The following PHF12 variants were observed in gnomAD, a reference collection of about 807,000 sequenced individuals.
PHF12 encodes the protein PHD factor 1.
In PHF12, 6 loss-of-function variants were observed where a neutral mutation model predicts 99.8. That is an observed-to-expected ratio of 0.06 (90% confidence interval 0.03 to 0.12). The LOEUF (loss-of-function observed/expected upper bound fraction) is 0.12, where lower values mean the gene tolerates loss of function less well. Among genes scored for constraint, PHF12 ranks in the 10% least tolerant of loss-of-function variants. PHF12 has a pLI of 1.00. For synonymous variants in PHF12, 480 were observed against 514.9 expected (o/e 0.93, Z 0.92); for missense variants, 954 against 1,300.1 (o/e 0.73, Z 4.09).
intron 2 of PHF12, among the ~76,000 whole-genome samples, chr17:28,931,011 TGATC>T (rs2040389707): frequency 6.6e-6 from 1 of 152,122 alleles, no homozygotes; most frequent in Non-Finnish European, 1.5e-5. Flanking sequence ...GGTAGAGCCG[TGATC>T]GTGCCACTGC....
At chr17:28,917,534 CTA>C in intron 6 of PHF12, 85 bp from the exon 7 acceptor site, 1 of 1,444,566 alleles carries the variant, frequency 6.9e-7, no homozygotes, top group Non-Finnish European at 9.3e-7. Flanking sequence ...TGTTTAAAAA[CTA>C]GAAGCCCTCA....
intron 2 of PHF12, chr17:28,929,669 C>T (rs2040359516): frequency 6.6e-6 from 1 of 152,156 alleles, no homozygotes; most frequent in South Asian, 2.1e-4. Context: ...TGTCAGATGC[C>T]CACCAAGGCT....
intron 2 of PHF12, among the ~76,000 whole-genome samples, chr17:28,934,854 G>A (rs1368156630): frequency 1.3e-5 from 2 of 152,300 alleles, no homozygotes; most frequent in East Asian, 1.9e-4. Context: ...ACCCGCCTAT[G>A]CCTTCCAAAG....
At chr17:28,914,586 G>A (rs1777592992) in intron 7 of PHF12, among the ~76,000 whole-genome samples, 1 of 147,642 alleles carries the variant, frequency 6.8e-6, no homozygotes, top group Non-Finnish European at 1.5e-5. Context: ...GCAGGAGAAT[G>A]GCATGAACCC....
At chr17:28,948,105 C>T (rs139946117) in intron 2 of PHF12, among the ~76,000 whole-genome samples, 2 of 152,330 alleles carry the variant, frequency 1.3e-5, no homozygotes, top group Non-Finnish European at 2.9e-5. Flanking sequence ...ACACTTTTCC[C>T]ATGCCTGAGG....
intron 6 of PHF12, among the ~76,000 whole-genome samples, chr17:28,918,544 G>A (rs1306388663): frequency 6.6e-6 from 1 of 152,222 alleles, no homozygotes; most frequent in Non-Finnish European, 1.5e-5. Flanking sequence ...TTAAGCAGTA[G>A]CCTTTTTAAT....
intron 12 of PHF12, 29 bp downstream of exon 12, chr17:28,908,754 T>C (rs375194642): frequency 7.3e-5 from 117 of 1,604,276 alleles, no homozygotes; most frequent in Non-Finnish European, 8.9e-5. Flanking sequence ...ACAGATTCAG[T>C]GTCTCTCCCA....
chr17:28,939,935 G>A lies in PHF12; in HGVS notation c.248+10130C>T, dbSNP rs368836144. On this transcript the variant is annotated intron_variant, in intron 2 of 14. Transcript: ENST00000332830. ...TGCTCACTCAAGCTTATTTCAAAACGAGCCTCACGCAGAGAGCCCAGATCA... is the reference window on the plus strand; with the variant it reads ...TGCTCACTCAAGCTTATTTCAAAACAAGCCTCACGCAGAGAGCCCAGATCA... Among the ~76,000 whole-genome samples, 63 of 152,256 alleles carry A rather than the reference G, an allele frequency of 4.1e-4. No homozygotes were observed. In the South Asian group the frequency reaches 9.3e-3, roughly 23 times the overall value.
At chr17:28,909,164 C>T (rs1251060189) in intron 11 of PHF12, 6 of 401,416 alleles carry the variant, frequency 1.5e-5, no homozygotes, top group Non-Finnish European at 2.3e-5. Flanking sequence ...CTGGCTAATC[C>T]GGGATATTCC....
Position 28,923,651 on chromosome 17 carries a change from C to CAAAAAAAAAAAAAAAAAAAAA in PHF12, c.715+257_715+258insTTTTTTTTTTTTTTTTTTTTT, listed in dbSNP as rs1491183033. Among the ~76,000 whole-genome samples the CAAAAAAAAAAAAAAAAAAAAA allele has an allele frequency of 8.1e-3, 178 of 21,946 alleles. 14 individuals are homozygous for CAAAAAAAAAAAAAAAAAAAAA. Among genetic ancestry groups the CAAAAAAAAAAAAAAAAAAAAA allele is most frequent in the Non-Finnish European group, 9.1e-3 (119 of 13,136 alleles). 14.4% of individuals were successfully genotyped at this position (21,946 alleles called of 152,430 possible). On this transcript the variant is annotated intron_variant, in intron 4 of 14. Coordinates refer to ENST00000332830, the MANE Select transcript of PHF12 (RefSeq NM_001033561.2). Reference sequence around the variant, plus strand: ...CTAGCCTGAGTGACAAAGTGAGACTCACAAAAAAAAAAAAAAAAAAAAAAG... The same window carrying CAAAAAAAAAAAAAAAAAAAAA: ...CTAGCCTGAGTGACAAAGTGAGACTCAAAAAAAAAAAAAAAAAAAAAACAAAAAAAAAAAAAAAAAAAAAAG...
At chr17:28,907,372 A>C in intron 13 of PHF12, 1 of 565,418 alleles carries the variant, frequency 1.8e-6, no homozygotes. Context: ...GACTAACCTC[A>C]GGAAAAATGG....
intron 4 of PHF12, 108 bp from the exon 5 acceptor site, chr17:28,921,916 G>T: frequency 6.8e-7 from 1 of 1,460,388 alleles, no homozygotes. Flanking sequence ...ATGTGTCATG[G>T]CCTAAGCATG....
At chr17:28,926,530 G>A (rs1171678468) in intron 3 of PHF12, 1 of 324,592 alleles carries the variant, frequency 3.1e-6, no homozygotes, top group African/African-American at 2.2e-5. Flanking sequence ...CAAAGCTGAA[G>A]GAAGGGAAGC....
chr17:28,908,518 C>T (rs2039908692), intron 12 of PHF12: 1 of 444,032 alleles, frequency 2.3e-6, no homozygotes, highest in Non-Finnish European at 4.1e-6. Flanking sequence ...TAGGGTTTCA[C>T]CATGTTGCCC....
Position 28,951,516 on chromosome 17 carries a change from G to C in PHF12, c.-556C>G. On this transcript the variant is annotated 5_prime_UTR_variant, in exon 1 of 15. Transcript: ENST00000332830. ...CGCAGGCGCCCCGGGATCGGCGCTC[G>C]CCGCGCGCAACCGCAGTGACAGCCG... is the stretch of plus-strand genomic sequence containing the variant. The C allele has an allele frequency of 1.0e-6, 1 of 983,376 alleles. No homozygotes were observed. The highest frequency in any genetic ancestry group is 1.2e-6 in the Non-Finnish European group (1 of 829,370). The allele number at this position is 983,376 out of a possible 1,614,324, so 60.9% of individuals were successfully genotyped here.
At chr17:28,910,997 T>G in intron 10 of PHF12, 115 bp downstream of exon 10, 1 of 1,412,016 alleles carries the variant, frequency 7.1e-7, no homozygotes, top group Non-Finnish European at 9.7e-7. Context: ...CATCTCCCCC[T>G]AGGCCTCTGG....
chr17:28,934,841 T>A (rs1296892648), intron 2 of PHF12, among the ~76,000 whole-genome samples: 1 of 152,214 alleles, frequency 6.6e-6, no homozygotes, highest in Non-Finnish European at 1.5e-5. Context: ...CCTAAGGTGA[T>A]CTACCCGCCT....
At chr17:28,946,319 G>A (rs1453199046) in intron 2 of PHF12, among the ~76,000 whole-genome samples, 1 of 152,190 alleles carries the variant, frequency 6.6e-6, no homozygotes, top group African/African-American at 2.4e-5. Context: ...TCACGGTACT[G>A]AGCACAAGAC....
intron 2 of PHF12, among the ~76,000 whole-genome samples, chr17:28,941,445 G>A (rs1294537725): frequency 6.6e-6 from 1 of 151,968 alleles, no homozygotes; most frequent in African/African-American, 2.4e-5. Flanking sequence ...TATTCTCTGC[G>A]CTCTCTTTAT....
Sources: gnomAD v4.1 joint callset for allele counts (sites outside exome capture counted in the v4.1 genomes callset) on GRCh38, gnomAD v4.1.1 for gene constraint, MANE v1.5 for transcripts, NCBI Gene and HGNC (gene_info 2026-07-23, HGNC 2026-07-21) for gene names.